Variants in AOPEP observed in about 807,000 individuals in gnomAD.
AOPEP encodes aminopeptidase O.
Under a neutral mutation model 98.1 loss-of-function variants are expected in AOPEP, and 77 were observed. The ratio of observed to expected loss-of-function variants is 0.78; its 90% CI spans 0.65 to 0.95. The LOEUF is 0.95. Ranked by LOEUF, AOPEP falls within the 40% of genes least tolerant of loss-of-function variation. The pLI is 0.00. For synonymous variants in AOPEP, 346 were observed against 365.3 expected (o/e 0.95, Z 0.60); for missense variants, 1,024 against 1,024.7 (o/e 1.00, Z 0.01).
intron 7 of AOPEP, among the ~76,000 whole-genome samples, chr9:94,951,941 A>G (rs374064974): frequency 7.9e-5 from 12 of 152,344 alleles, no homozygotes; most frequent in African/African-American, 2.6e-4. Flanking sequence ...CACAGCAGAC[A>G]TCTGCTTTTT....
chr9:94,729,876 C>G (rs1830116595), intron 1 of AOPEP, among the ~76,000 whole-genome samples: 1 of 151,688 alleles, frequency 6.6e-6, no homozygotes, highest in Admixed American at 6.6e-5. Context: ...ACTGGAGTCT[C>G]GATGAAAAAA....
chr9:94,956,320 C>T (rs148256547), intron 9 of AOPEP, among the ~76,000 whole-genome samples: 179 of 152,260 alleles, frequency 1.2e-3, no homozygotes, highest in African/African-American at 4.0e-3. Context: ...TCCTTCTTAC[C>T]TTCTAGTTTT....
At chr9:95,050,857 TG>T (rs1274360985) in intron 13 of AOPEP, among the ~76,000 whole-genome samples, 1 of 152,228 alleles carries the variant, frequency 6.6e-6, no homozygotes, top group African/African-American at 2.4e-5. Context: ...CTGGGAGTAA[TG>T]GAATGTTAGT....
At chr9:95,091,132 CCG>C (rs1224604118), downstream of AOPEP, among the ~76,000 whole-genome samples, 2 of 152,226 alleles carry the variant, frequency 1.3e-5, no homozygotes, top group Non-Finnish European at 2.9e-5. Flanking sequence ...AGGCCAAGGG[CCG>C]CTTTCAAGGG....
Position 94,885,348 on chromosome 9 carries a change from C to CAAAAAAAAAAAAAAA in AOPEP, c.1365-38610_1365-38596dup, listed in dbSNP as rs71366268. On this transcript the variant is annotated intron_variant, in intron 5 of 16. Coordinates refer to ENST00000375315, the MANE Select transcript of AOPEP (RefSeq NM_001193329.3). The stretch of plus-strand genomic sequence containing the variant: ...TGGGTGACAGAGTGAGATCCTGTCT[C>CAAAAAAAAAAAAAAA]AAAAAAAAAAAAAAAAAAAAAAAAA... Among the ~76,000 whole-genome samples, 9 of 35,988 alleles carry CAAAAAAAAAAAAAAA rather than the reference C, an allele frequency of 2.5e-4. 2 individuals carry two copies. Among genetic ancestry groups the CAAAAAAAAAAAAAAA allele is most frequent in the East Asian group, 1.3e-3 (1 of 774 alleles). The allele number at this position is 35,988 out of a possible 152,430, so 23.6% of individuals were successfully genotyped here.
chr9:94,789,090 T>G (rs886493654), intron 3 of AOPEP, among the ~76,000 whole-genome samples: 3 of 152,226 alleles, frequency 2.0e-5, no homozygotes, highest in Non-Finnish European at 2.9e-5. Flanking sequence ...CAACTTAGGA[T>G]TCAGGTCTGG....
chr9:94,953,294 G>T (rs1048697043), intron 7 of AOPEP, among the ~76,000 whole-genome samples: 5 of 152,234 alleles, frequency 3.3e-5, no homozygotes, highest in Non-Finnish European at 5.9e-5. Flanking sequence ...ATTCTTACAA[G>T]TGTGGGCATG....
chr9:94,936,970 G>A (rs1347927547), intron 7 of AOPEP, among the ~76,000 whole-genome samples: 1 of 152,228 alleles, frequency 6.6e-6, no homozygotes, highest in Non-Finnish European at 1.5e-5. Context: ...CTCTCCAGAT[G>A]TGCCCCTTTC....
intron 3 of AOPEP, among the ~76,000 whole-genome samples, chr9:94,781,241 A>G (rs1320075174): frequency 6.6e-6 from 1 of 152,146 alleles, no homozygotes; most frequent in East Asian, 1.9e-4. Flanking sequence ...TTGTTGGCCT[A>G]TATTCTCTAC....
At chr9:94,847,101 G>A (rs558187831) in intron 5 of AOPEP, among the ~76,000 whole-genome samples, 1 of 148,246 alleles carries the variant, frequency 6.7e-6, no homozygotes, top group Admixed American at 6.8e-5. Flanking sequence ...CTGCAGGGAG[G>A]TTGGTAGATT....
chr9:95,093,712 C>T, the AOPEP span, among the ~76,000 whole-genome samples: 1 of 152,146 alleles, frequency 6.6e-6, no homozygotes, highest in African/African-American at 2.4e-5. Flanking sequence ...GCTTTATACA[C>T]GGAGGGTGGC....
intron 13 of AOPEP, among the ~76,000 whole-genome samples, chr9:95,054,345 A>G (rs2066641300): frequency 6.6e-6 from 1 of 152,184 alleles, no homozygotes; most frequent in Non-Finnish European, 1.5e-5. Context: ...GGAAATTTTC[A>G]ATTTGAGTGT....
intron 5 of AOPEP, among the ~76,000 whole-genome samples, chr9:94,826,802 G>C (rs971570540): frequency 4.6e-5 from 7 of 152,154 alleles, no homozygotes; most frequent in African/African-American, 1.7e-4. Context: ...TGGCCACAAG[G>C]GTAGTGGTGG....
At chr9:94,950,280 G>A (rs777044685) in intron 7 of AOPEP, among the ~76,000 whole-genome samples, 1 of 152,192 alleles carries the variant, frequency 6.6e-6, no homozygotes, top group Non-Finnish European at 1.5e-5. Flanking sequence ...AACACAGAAC[G>A]CAGATAATAG....
At chr9:95,149,401 T>A in the AOPEP span, among the ~76,000 whole-genome samples, 7 of 152,166 alleles carry the variant, frequency 4.6e-5, no homozygotes, top group African/African-American at 1.7e-4. Flanking sequence ...TGTTTACCTA[T>A]GTAACAAACC....
At chr9:94,765,465 A>AT (rs1252589952) in intron 2 of AOPEP, among the ~76,000 whole-genome samples, 1 of 147,100 alleles carries the variant, frequency 6.8e-6, no homozygotes, top group African/African-American at 2.5e-5. Context: ...AATAATAATA[A>AT]TAATAATAAT....
chr9:95,040,263 C>G (rs573004765), intron 13 of AOPEP, among the ~76,000 whole-genome samples: 4 of 152,230 alleles, frequency 2.6e-5, no homozygotes. Flanking sequence ...CTTTCCCATC[C>G]TCTGTAAAAT....
chr9:95,000,873 G>A (rs10512250), intron 11 of AOPEP, among the ~76,000 whole-genome samples: 9,936 of 152,102 alleles, frequency 0.065, 800 homozygotes, highest in African/African-American at 0.18. Context: ...GCAATAGAAC[G>A]CTTCTGAAAC....
intron 5 of AOPEP, among the ~76,000 whole-genome samples, chr9:94,877,989 A>G (rs2047156009): frequency 6.6e-6 from 1 of 152,082 alleles, no homozygotes; most frequent in East Asian, 1.9e-4. Context: ...AGTTTGAATC[A>G]CTGCCATTGG....
Sources: gnomAD v4.1 joint callset for allele counts (sites outside exome capture counted in the v4.1 genomes callset) on GRCh38, gnomAD v4.1.1 for gene constraint, MANE v1.5 for transcripts, NCBI Gene and HGNC (gene_info 2026-07-23, HGNC 2026-07-21) for gene names.